The following NUBPL variants were observed in gnomAD, a reference collection of about 807,000 sequenced individuals.
NUBPL encodes NUBP iron-sulfur cluster assembly factor, mitochondrial.
In NUBPL, 31 loss-of-function variants were observed where a neutral mutation model predicts 45.7. That is an observed-to-expected ratio of 0.68 (90% CI 0.51 to 0.92). The LOEUF (loss-of-function observed/expected upper bound fraction) is 0.92. Among genes scored for constraint, NUBPL ranks in the 40% least tolerant of loss-of-function variants. The pLI is 0.00. For synonymous variants in NUBPL, 144 were observed against 140.9 expected (o/e 1.02, Z -0.15); for missense variants, 401 against 398.7 (o/e 1.01, Z -0.05).
At chr14:31,753,124 C>G (rs1252309164) in intron 6 of NUBPL, among the ~76,000 whole-genome samples, 1 of 152,220 alleles carries the variant, frequency 6.6e-6, no homozygotes, top group Admixed American at 6.5e-5. Context: ...CTGCAAATGA[C>G]TCAGTAGCCT....
intron 3 of NUBPL, among the ~76,000 whole-genome samples, chr14:31,591,614 A>C (rs4981859): frequency 2.0e-3 from 300 of 152,314 alleles, no homozygotes; most frequent in Non-Finnish European, 3.5e-3. Flanking sequence ...AATAGACTGC[A>C]AAGAAATTTA....
intron 4 of NUBPL, among the ~76,000 whole-genome samples, chr14:31,625,159 A>C (rs2035170905): frequency 6.6e-6 from 1 of 152,234 alleles, no homozygotes; most frequent in African/African-American, 2.4e-5. Flanking sequence ...AAAGAAGACC[A>C]GGAAAGAACT....
rs1442984263 is a variant in NUBPL, at chr14:31,846,550, G to T, written c.773G>T (p.Gly258Val). The change falls in exon 9 of 11, where the codon GGT (glycine) becomes GTT (valine). Residue 258 changes from glycine (G) to valine (V), a missense_variant. Gly to Val is a moderately radical substitution (Grantham distance 109). Transcript: ENST00000281081. The stretch of plus-strand genomic sequence containing the variant: ...AAAACTCATATTTTTGGTGCTGATG[G>T]TGCAAGGAAACTAGCACAGACCCTT... ...KHKTHIFGADGARKLAQTLGL... is the reference protein window; with the variant it reads ...KHKTHIFGADVARKLAQTLGL... 2 of 1,613,588 alleles carry T rather than the reference G, an allele frequency of 1.2e-6. No individual in the cohort carries two copies. The highest frequency in any genetic ancestry group is 1.7e-6 in the Non-Finnish European group (2 of 1,179,780).
intron 10 of NUBPL, 29 bp from the exon 11 acceptor site, chr14:31,859,089 A>G: frequency 6.2e-7 from 1 of 1,604,716 alleles, no homozygotes; most frequent in Non-Finnish European, 8.5e-7. Context: ...GAAGAGAAAT[A>G]CAGAACAAAT....
Position 31,826,632 on chromosome 14 carries a change from C to T in NUBPL, c.611C>T (p.Ala204Val), listed in dbSNP as rs760587173. ...TATTTTGTTTATCTTTGGCTAGGTG[C>T]TGTGATTGTCTCCACGCCCCAGGAC... is the stretch of plus-strand genomic sequence containing the variant. ...SVSQNIPITGAVIVSTPQDIA... is the reference protein window; with the variant it reads ...SVSQNIPITGVVIVSTPQDIA... The change falls in exon 8 of 11, where the codon GCT (alanine) becomes GTT (valine). Residue 204 changes from alanine to valine, a missense_variant. Coordinates refer to ENST00000281081, the MANE Select transcript of NUBPL (RefSeq NM_025152.3). 2.5e-6 allele frequency: 4 copies of T among 1,613,678 alleles called. No individual in the cohort carries two copies. The highest frequency in any genetic ancestry group is 2.7e-5 in the African/African-American group (2 of 74,902).
chr14:31,785,718 T>A (rs1254065282), intron 6 of NUBPL, among the ~76,000 whole-genome samples: 1 of 152,208 alleles, frequency 6.6e-6, no homozygotes, highest in Non-Finnish European at 1.5e-5. Flanking sequence ...ATCATGGTTG[T>A]GATTTTATTA....
At chr14:31,849,839 T>C (rs1193562010) in intron 9 of NUBPL, among the ~76,000 whole-genome samples, 1 of 152,226 alleles carries the variant, frequency 6.6e-6, no homozygotes, top group African/African-American at 2.4e-5. Context: ...ATTGCTTGCT[T>C]GGAGACTTCC....
At chr14:31,629,430 A>C (rs1243285798) in intron 4 of NUBPL, among the ~76,000 whole-genome samples, 1 of 152,122 alleles carries the variant, frequency 6.6e-6, no homozygotes, top group Non-Finnish European at 1.5e-5. Context: ...TATTATAGTG[A>C]TGTTAAGGTG....
intron 6 of NUBPL, among the ~76,000 whole-genome samples, chr14:31,725,785 C>T (rs1328734030): frequency 6.9e-6 from 1 of 144,230 alleles, no homozygotes; most frequent in Admixed American, 7.2e-5. Context: ...TCTTGGCTCA[C>T]TACAATCTCC....
Position 31,801,087 on chromosome 14 carries a change from C to G in NUBPL, c.607+13214C>G, listed in dbSNP as rs562522231. ...TGAACTGTCTTAGTGGAACTTGGAG[C>G]CTGCTGGAGCCATGGAAAAGGGGCT... On this transcript the variant is annotated intron_variant, in intron 7 of 10. Transcript: ENST00000281081. The G allele has an allele frequency of 7.2e-5, 11 of 152,380 alleles. No homozygotes were observed. The East Asian group carries it at 2.1e-3, about 29-fold the overall frequency. The allele number at this position is 152,380 out of a possible 1,614,324, so 9.4% of individuals were successfully genotyped here. A position where few individuals can be genotyped will look rare whatever the true frequency, so the allele number is the denominator to read the frequency against.
chr14:31,653,702 A>G (rs543788846), intron 4 of NUBPL, among the ~76,000 whole-genome samples: 48 of 152,218 alleles, frequency 3.2e-4, no homozygotes, highest in Non-Finnish European at 5.9e-4. Context: ...TCCTCAGCTT[A>G]TGAAGATAAC....
In NUBPL at chr14:31,792,112, C is replaced by G. The variant is rs907572727; in HGVS notation, c.607+4239C>G. Among the ~76,000 whole-genome samples, 5 of 152,094 alleles carry G rather than the reference C, an allele frequency of 3.3e-5. 1 individual carries two copies. The South Asian group carries it at 1.0e-3, about 32-fold the overall frequency. On this transcript the variant is annotated intron_variant, in intron 7 of 10. Coordinates refer to ENST00000281081, the MANE Select transcript of NUBPL (RefSeq NM_025152.3). ...AGAGTTTAAAGCTTATGCTGTTGAC[C>G]TCTATATCAAACTGGCCTAATGTAA...
intron 6 of NUBPL, among the ~76,000 whole-genome samples, chr14:31,736,260 T>C (rs1393386605): frequency 6.6e-6 from 1 of 152,216 alleles, no homozygotes; most frequent in Non-Finnish European, 1.5e-5. Flanking sequence ...CTTTAATCAT[T>C]TATTTAACAT....
intron 6 of NUBPL, among the ~76,000 whole-genome samples, chr14:31,720,947 C>T (rs960126875): frequency 2.0e-5 from 3 of 152,144 alleles, no homozygotes; most frequent in Non-Finnish European, 4.4e-5. Flanking sequence ...CCTTGAATTC[C>T]TTCATAGTAA....
intron 7 of NUBPL, among the ~76,000 whole-genome samples, chr14:31,807,142 T>A (rs2039705681): frequency 6.6e-6 from 1 of 152,226 alleles, no homozygotes; most frequent in African/African-American, 2.4e-5. Context: ...TACCCAGTAA[T>A]GGGATGGCTG....
chr14:31,707,709 T>C (rs1280965323), intron 6 of NUBPL, among the ~76,000 whole-genome samples: 2 of 152,256 alleles, frequency 1.3e-5, no homozygotes, highest in Non-Finnish European at 2.9e-5. Context: ...ATATTTGACC[T>C]GCTATAGGAA....
At chr14:31,684,591 A>G (rs1786414847) in intron 6 of NUBPL, among the ~76,000 whole-genome samples, 1 of 152,176 alleles carries the variant, frequency 6.6e-6, no homozygotes, top group Non-Finnish European at 1.5e-5. Flanking sequence ...CCCCTCTGCC[A>G]TGGCCCAAGT....
In NUBPL at chr14:31,561,434, C is replaced by T. The variant is rs774502027; in HGVS notation, c.-6C>T. The T allele has an allele frequency of 8.6e-6, 12 of 1,398,302 alleles. No individual in the cohort carries two copies. Among genetic ancestry groups the T allele is most frequent in the African/African-American group, 3.0e-5 (2 of 67,514 alleles). The allele number at this position is 1,398,302 out of a possible 1,614,324, so 86.6% of individuals were successfully genotyped here. On this transcript the variant is annotated 5_prime_UTR_variant, in exon 1 of 11. Transcript: ENST00000281081. ...CCCAGCAGGGCTCACAGCAGCGTTCCGCGTCATGGGGATTTGGCAGCGTCT... is the reference window on the plus strand; with the variant it reads ...CCCAGCAGGGCTCACAGCAGCGTTCTGCGTCATGGGGATTTGGCAGCGTCT...
At position 31,645,777 on chromosome 14, in the gene NUBPL, C is replaced by CCT. The variant is rs941602744; in HGVS notation, c.383-27577_383-27576insTC. ...TTTTAAAACTTCTATACTTTACACC[C>CCT]CCCCCCCCACATTTTGACTTTTGTT... On this transcript the variant is annotated intron_variant, in intron 4 of 10. Transcript: ENST00000281081. Among the ~76,000 whole-genome samples, 10 of 128,852 alleles carry CCT rather than the reference C, an allele frequency of 7.8e-5. No individual in the cohort carries two copies. The East Asian group carries it at 2.4e-3, about 30-fold the overall frequency. 84.5% of individuals were successfully genotyped at this position (128,852 alleles called of 152,430 possible).
Sources: allele counts gnomAD v4.1 joint callset (sites outside exome capture counted in the v4.1 genomes callset), GRCh38; gene constraint gnomAD v4.1.1; transcripts MANE v1.5; gene names NCBI Gene and HGNC (gene_info 2026-07-23, HGNC 2026-07-21).